The following HNRNPC variants were observed in gnomAD, a reference collection of about 807,000 sequenced individuals.
HNRNPC encodes heterogeneous nuclear ribonucleoproteins C1/C2.
Under a neutral mutation model 33.2 loss-of-function variants are expected in HNRNPC, and 3 were observed. The ratio of observed to expected loss-of-function variants is 0.09; its 90% confidence interval spans 0.04 to 0.23. HNRNPC has a LOEUF of 0.23. Ranked by LOEUF, HNRNPC falls within the 10% of genes least tolerant of loss-of-function variation. HNRNPC has a pLI of 1.00. For missense variants in HNRNPC, 143 were observed against 366.7 expected, an observed-to-expected ratio of 0.39 and a Z score of 4.98; for synonymous variants, 121 against 126.7, an observed-to-expected ratio of 0.96 and a Z score of 0.30.
intron 2 of HNRNPC, among the ~76,000 whole-genome samples, chr14:21,252,446 G>A (rs144214478): frequency 0.013 from 1,940 of 152,216 alleles, 29 homozygotes; most frequent in Non-Finnish European, 0.018. Context: ...AAGTAGCTGG[G>A]ATTACACACA....
Position 21,211,172 on chromosome 14 carries a change from G to T in HNRNPC, c.*51C>A. The T allele has an allele frequency of 6.4e-7, 1 of 1,565,124 alleles. No homozygotes were observed. Among genetic ancestry groups the T allele is most frequent in the Non-Finnish European group, 8.8e-7 (1 of 1,140,426 alleles). The stretch of plus-strand genomic sequence containing the variant: ...TGGTGAAAAATTTGATCTTAGACAA[G>T]CGCCTAGGTAAAGAAATAATGGGAT... On this transcript the variant is annotated 3_prime_UTR_variant, in exon 9 of 9. Transcript: ENST00000553300.
rs756880620 is a variant in HNRNPC, at chr14:21,249,593, CAAAAAAAAA to C, written c.-37+13709_-37+13717del. Among the ~76,000 whole-genome samples the C allele has an allele frequency of 2.3e-3, 192 of 83,460 alleles. 1 individual carries two copies. The highest frequency in any genetic ancestry group is 7.5e-3 in the African/African-American group (172 of 22,902). The allele number at this position is 83,460 out of a possible 152,430, so 54.8% of individuals were successfully genotyped here. ...AAGAGCGAAAACTGTGTCTCAAAAA[CAAAAAAAAA>C]AAAAAAAAAAAAAGAATCAATGAAT... On this transcript the variant is annotated intron_variant, in intron 2 of 8. Transcript: ENST00000553300.
At position 21,257,929 on chromosome 14, in the gene HNRNPC, C is replaced by T. The variant is rs775583483; in HGVS notation, c.-37+5382G>A. On this transcript the variant is annotated intron_variant, in intron 2 of 8. Coordinates refer to ENST00000553300, the MANE Select transcript of HNRNPC (RefSeq NM_004500.4). The stretch of plus-strand genomic sequence containing the variant: ...CCATCACAACCATGGTAACATTTTA[C>T]CAAGATACATCTACCTAAACATTAA... 3.5e-4 allele frequency among the ~76,000 whole-genome samples: 53 copies of T among 152,272 alleles called. 1 individual carries two copies. Among genetic ancestry groups the T allele is most frequent in the Middle Eastern group, 3.4e-3 (1 of 294 alleles).
chr14:21,249,206 A>C (rs1458821125), intron 2 of HNRNPC, among the ~76,000 whole-genome samples: 1 of 152,148 alleles, frequency 6.6e-6, no homozygotes, highest in Non-Finnish European at 1.5e-5. Context: ...GAGTCAGCAA[A>C]GCTCTTCTGC....
chr14:21,259,177 T>C (rs1485132151), intron 2 of HNRNPC, among the ~76,000 whole-genome samples: 2 of 152,178 alleles, frequency 1.3e-5, no homozygotes, highest in African/African-American at 2.4e-5. Flanking sequence ...TTCCCCCTCA[T>C]TATCTGTGCT....
In HNRNPC at chr14:21,225,885, A is replaced by C. The variant is rs115779829; in HGVS notation, c.365+4434T>G. 5.3e-3 allele frequency among the ~76,000 whole-genome samples: 808 copies of C among 152,296 alleles called. 8 individuals carry two copies. Among genetic ancestry groups the C allele is most frequent in the African/African-American group, 0.018 (740 of 41,528 alleles). ...ATAAGGGAAAGTGGGGTTCCAATTT[A>C]TTACAATCTGAAGAAAATATATCTA... On this transcript the variant is annotated intron_variant, in intron 5 of 8. Transcript: ENST00000553300.
intron 2 of HNRNPC, among the ~76,000 whole-genome samples, chr14:21,235,845 G>T (rs1175451797): frequency 6.6e-6 from 1 of 152,196 alleles, no homozygotes; most frequent in East Asian, 1.9e-4. Context: ...AATCTCCATA[G>T]GTTTAATGAG....
chr14:21,265,858 T>C (rs1443806464), intron 1 of HNRNPC, among the ~76,000 whole-genome samples: 1 of 152,200 alleles, frequency 6.6e-6, no homozygotes, highest in Non-Finnish European at 1.5e-5. Flanking sequence ...AAAACCTGCC[T>C]GAGGTTTGGA....
At chr14:21,261,459 G>GA (rs1261090786) in intron 2 of HNRNPC, among the ~76,000 whole-genome samples, 3 of 152,016 alleles carry the variant, frequency 2.0e-5, no homozygotes, top group African/African-American at 4.8e-5. Context: ...TAACTTCCAG[G>GA]AATCTTTTGC....
At chr14:21,215,390 T>C (rs17102604) in intron 5 of HNRNPC, among the ~76,000 whole-genome samples, 1,735 of 152,316 alleles carry the variant, frequency 0.011, 12 homozygotes, top group Middle Eastern at 0.037. Flanking sequence ...GCGGAAATTC[T>C]CACTATGAGA....
intron 5 of HNRNPC, among the ~76,000 whole-genome samples, chr14:21,228,344 C>A (rs995221284): frequency 6.6e-6 from 1 of 152,192 alleles, no homozygotes; most frequent in South Asian, 2.1e-4. Context: ...GCTGAGTTCA[C>A]TAGTAATGTC....
chr14:21,259,882 C>CAAAAAAAA (rs5807071), intron 2 of HNRNPC, among the ~76,000 whole-genome samples: 2 of 132,878 alleles, frequency 1.5e-5, no homozygotes, highest in Non-Finnish European at 3.1e-5. Context: ...CTGTCTCCAC[C>CAAAAAAAA]AAAAAAAAAA....
At chr14:21,219,954 A>C (rs762004324) in intron 5 of HNRNPC, among the ~76,000 whole-genome samples, 2 of 152,312 alleles carry the variant, frequency 1.3e-5, no homozygotes, top group Non-Finnish European at 1.5e-5. Flanking sequence ...GCCTCACAAC[A>C]TAAGCAAATT....
At chr14:21,261,774 A>G (rs893172490) in intron 2 of HNRNPC, among the ~76,000 whole-genome samples, 8 of 152,188 alleles carry the variant, frequency 5.3e-5, no homozygotes, top group African/African-American at 1.4e-4. Flanking sequence ...ATTATCTCCC[A>G]GCTTGAAACC....
chr14:21,238,451 C>T (rs929101900), intron 2 of HNRNPC, among the ~76,000 whole-genome samples: 1 of 152,170 alleles, frequency 6.6e-6, no homozygotes. Context: ...TTAATCTTTA[C>T]AATCATTTTC....
chr14:21,226,925 G>A (rs1264288727), intron 5 of HNRNPC, among the ~76,000 whole-genome samples: 7 of 144,104 alleles, frequency 4.9e-5, no homozygotes, highest in African/African-American at 1.0e-4. Flanking sequence ...TTTTTACTCC[G>A]ATTTACATAT....
At chr14:21,218,381 A>G (rs1440380664) in intron 5 of HNRNPC, among the ~76,000 whole-genome samples, 1 of 152,110 alleles carries the variant, frequency 6.6e-6, no homozygotes, top group Non-Finnish European at 1.5e-5. Context: ...GTGCAATTTT[A>G]TTTTTTAAAA....
At chr14:21,212,658 T>C (rs1891745515) in intron 6 of HNRNPC, among the ~76,000 whole-genome samples, 1 of 151,972 alleles carries the variant, frequency 6.6e-6, no homozygotes, top group Non-Finnish European at 1.5e-5. Context: ...TTCTCCTGCC[T>C]CAGCCTCCCA....
intron 5 of HNRNPC, among the ~76,000 whole-genome samples, chr14:21,223,642 A>C (rs1488211548): frequency 6.6e-6 from 1 of 151,826 alleles, no homozygotes; most frequent in African/African-American, 2.4e-5. Flanking sequence ...CCAGCTACTC[A>C]GGAGGCTGAG....
Sources: gnomAD v4.1 joint callset for allele counts (sites outside exome capture counted in the v4.1 genomes callset) on GRCh38, gnomAD v4.1.1 for gene constraint, MANE v1.5 for transcripts, NCBI Gene and HGNC (gene_info 2026-07-23, HGNC 2026-07-21) for gene names.